Variants in CALCRL observed in about 807,000 individuals in gnomAD.
The protein encoded by CALCRL is calcitonin gene-related peptide type 1 receptor.
Under a neutral mutation model 60.4 loss-of-function variants are expected in CALCRL, and 27 were observed. The ratio of observed to expected loss-of-function variants is 0.45; its 90% CI spans 0.33 to 0.62. CALCRL has a LOEUF of 0.62. Ranked by LOEUF, CALCRL falls within the 20% of genes least tolerant of loss-of-function variation. CALCRL has a pLI of 0.03. For synonymous variants in CALCRL, 190 were observed against 182.6 expected (o/e 1.04, Z -0.33); for missense variants, 424 against 540.7 (o/e 0.78, Z 2.14).
At chr2:187,377,532 T>G (rs1253956710) in intron 8 of CALCRL, among the ~76,000 whole-genome samples, 3 of 152,086 alleles carry the variant, frequency 2.0e-5, no homozygotes, top group African/African-American at 7.2e-5. Context: ...ACATGTTCAT[T>G]TTGAAATATT....
At chr2:187,355,503 G>C (rs1686730341) in intron 12 of CALCRL, among the ~76,000 whole-genome samples, 1 of 152,092 alleles carries the variant, frequency 6.6e-6, no homozygotes, top group South Asian at 2.1e-4. Flanking sequence ...GGTTTGAACA[G>C]TGATCCAACG....
intron 8 of CALCRL, among the ~76,000 whole-genome samples, chr2:187,369,341 C>T (rs372469840): frequency 2.6e-5 from 4 of 152,198 alleles, no homozygotes; most frequent in South Asian, 2.1e-4. Flanking sequence ...CAAACAAAAA[C>T]CTTTTTAGAG....
chr2:187,405,042 C>T (rs1383974431), intron 1 of CALCRL, among the ~76,000 whole-genome samples: 1 of 151,906 alleles, frequency 6.6e-6, no homozygotes, highest in Non-Finnish European at 1.5e-5. Flanking sequence ...AGAAACCTAA[C>T]CTGTAAGCTT....
chr2:187,357,548 T>G (rs1257329006), intron 12 of CALCRL, among the ~76,000 whole-genome samples: 2 of 149,978 alleles, frequency 1.3e-5, no homozygotes, highest in African/African-American at 4.9e-5. Context: ...AAATACATAA[T>G]GCATGTGGCG....
chr2:187,433,272 G>C (rs1690481925), intron 1 of CALCRL, among the ~76,000 whole-genome samples: 2 of 151,898 alleles, frequency 1.3e-5, no homozygotes, highest in South Asian at 4.1e-4. Context: ...TTTTCTGCAT[G>C]GTTCTTTTTT....
At chr2:187,368,085 A>AG (rs1687373400) in intron 8 of CALCRL, among the ~76,000 whole-genome samples, 1 of 152,092 alleles carries the variant, frequency 6.6e-6, no homozygotes, top group Non-Finnish European at 1.5e-5. Flanking sequence ...TGGGTAAATT[A>AG]TTTAAGATCT....
chr2:187,414,465 A>T (rs1689507296), intron 1 of CALCRL, among the ~76,000 whole-genome samples: 2 of 152,174 alleles, frequency 1.3e-5, no homozygotes, highest in Admixed American at 1.3e-4. Context: ...GTCATCCTGA[A>T]TTTATTTAAA....
chr2:187,367,195 A>G (rs900077315), intron 8 of CALCRL, among the ~76,000 whole-genome samples: 1 of 152,136 alleles, frequency 6.6e-6, no homozygotes, highest in African/African-American at 2.4e-5. Context: ...AATGTGGTCA[A>G]ACTAGATAGT....
intron 10 of CALCRL, 26 bp downstream of exon 10, chr2:187,360,572 C>A: frequency 8.3e-6 from 13 of 1,573,738 alleles, no homozygotes; most frequent in South Asian, 2.4e-5. Context: ...TCCACTGAAT[C>A]AACAAGTATG....
chr2:187,346,192 A>G lies in CALCRL; in HGVS notation c.1378T>C (p.Tyr460His), dbSNP rs1004087889. ...ENVLLKPENLYN is the reference protein window; with the variant it reads ...ENVLLKPENLHN ...CAACCATCCTTCTATTTTCAATTAT[A>G]TAAATTTTCTGGTTTTAAGAGAACA... The change falls in exon 15 of 15, where the codon TAT becomes CAT. Residue 460 changes from tyrosine to histidine, a missense_variant. By Grantham distance (83) the Tyr-to-His change is moderately conservative. Transcript: ENST00000392370. The G allele has an allele frequency of 1.2e-5, 19 of 1,586,452 alleles. No individual in the cohort carries two copies. The highest frequency in any genetic ancestry group is 1.5e-5 in the Non-Finnish European group (17 of 1,158,288).
At chr2:187,391,018 G>A (rs1417724440) in intron 1 of CALCRL, among the ~76,000 whole-genome samples, 1 of 152,138 alleles carries the variant, frequency 6.6e-6, no homozygotes, top group Non-Finnish European at 1.5e-5. Flanking sequence ...CTTTCACCAA[G>A]AGGTCTCAAA....
intron 9 of CALCRL, among the ~76,000 whole-genome samples, chr2:187,361,648 A>G (rs530927751): frequency 6.6e-6 from 1 of 152,088 alleles, no homozygotes; most frequent in East Asian, 1.9e-4. Context: ...AGTCAGCCTA[A>G]AAATACTTTT....
At chr2:187,396,882 GATATTTA>G (rs1304475045) in intron 1 of CALCRL, among the ~76,000 whole-genome samples, 1 of 151,602 alleles carries the variant, frequency 6.6e-6, no homozygotes, top group Non-Finnish European at 1.5e-5. Flanking sequence ...GTATCCAACT[GATATTTA>G]ATAATTCACA....
At chr2:187,421,233 T>C (rs776774393) in intron 1 of CALCRL, among the ~76,000 whole-genome samples, 2 of 152,230 alleles carry the variant, frequency 1.3e-5, no homozygotes, top group Non-Finnish European at 2.9e-5. Context: ...ACTTTGAAAC[T>C]TACTGTTGGT....
At chr2:187,406,008 T>A (rs545456012) in intron 1 of CALCRL, among the ~76,000 whole-genome samples, 1 of 151,406 alleles carries the variant, frequency 6.6e-6, no homozygotes, top group South Asian at 2.1e-4. Flanking sequence ...CACATGTGCA[T>A]ATGTTTTAAC....
intron 8 of CALCRL, among the ~76,000 whole-genome samples, chr2:187,367,535 C>T (rs1687350980): frequency 6.6e-6 from 1 of 151,962 alleles, no homozygotes; most frequent in African/African-American, 2.4e-5. Context: ...ATAAAATCAA[C>T]CTGTAAGTGA....
chr2:187,432,923 C>T (rs72904321), intron 1 of CALCRL, among the ~76,000 whole-genome samples: 2,555 of 152,036 alleles, frequency 0.017, 39 homozygotes, highest in Non-Finnish European at 0.028. Context: ...GATACAGATT[C>T]GCATTCTAGG....
chr2:187,447,307 A>G (rs1025610727), intron 1 of CALCRL, among the ~76,000 whole-genome samples: 2 of 151,934 alleles, frequency 1.3e-5, no homozygotes, highest in African/African-American at 4.8e-5. Context: ...GTCAAGTTGA[A>G]GTATTCTCTT....
At chr2:187,429,791 T>C (rs1183343767) in intron 1 of CALCRL, among the ~76,000 whole-genome samples, 1 of 152,218 alleles carries the variant, frequency 6.6e-6, no homozygotes, top group Admixed American at 6.5e-5. Flanking sequence ...GAGACCAGGC[T>C]AATGAAGAGA....
Sources: gnomAD v4.1 joint callset for allele counts (sites outside exome capture counted in the v4.1 genomes callset) on GRCh38, gnomAD v4.1.1 for gene constraint, MANE v1.5 for transcripts, NCBI Gene and HGNC (gene_info 2026-07-23, HGNC 2026-07-21) for gene names.